The following HMGB1 variants were observed in gnomAD, a reference collection of about 807,000 sequenced individuals.
The protein encoded by HMGB1 is high mobility group box 1, also known as high mobility group protein B1.
For missense variants in HMGB1, 79 were observed against 253.5 expected (o/e 0.31, Z 4.67); for synonymous variants, 81 against 84.0 (o/e 0.96, Z 0.19).
rs1218598464 is a variant in HMGB1 at position 30,559,405 on chromosome 13, G to A, written c.-15+57266C>T. On this transcript the variant is annotated intron_variant, in intron 1 of 4. Coordinates refer to the HMGB1 transcript ENST00000405805. The surrounding 1 kb of genome is among the most constrained non-coding windows in gnomAD (Gnocchi z 6.6). ...CCCGAGTTTCATTGCTGGTTTACTA[G>A]TTTTGCTTCCTTGGGCAGTGAATTT... Among the ~76,000 whole-genome samples, 1 of 152,178 alleles carries A rather than the reference G, an allele frequency of 6.6e-6. No individual in the cohort carries two copies. The highest frequency in any genetic ancestry group is 1.5e-5 in the Non-Finnish European group (1 of 68,038).
chr13:30,527,425 C>T (rs1888393606), intron 1 of HMGB1, among the ~76,000 whole-genome samples: 1 of 151,980 alleles, frequency 6.6e-6, no homozygotes, highest in Admixed American at 6.6e-5. Context: ...TAGCTCCTAC[C>T]TCTGAGCCTC....
Position 30,456,760 on chromosome 13 carries a change from C to CCGGG in HMGB1, c.*4596_*4597insCCCG, listed in dbSNP as rs768381868. ...CAGCATAAATAACAGCTTTTGTGGG[C>CCGGG]GGGGGGGGGGGGTGGTGGGGTGCAA... On this transcript the variant is annotated 3_prime_UTR_variant, in exon 5 of 5. Transcript: ENST00000341423. The CCGGG allele has an allele frequency of 7.4e-5, 1 of 13,542 alleles. No individual in the cohort carries two copies. Among genetic ancestry groups the CCGGG allele is most frequent in the Non-Finnish European group, 1.4e-4 (1 of 7,290 alleles). 0.8% of individuals were successfully genotyped at this position (13,542 alleles called of 1,614,324 possible). A position where few individuals can be genotyped will look rare whatever the true frequency, so the allele number is the denominator to read the frequency against.
At chr13:30,555,513 G>A (rs1276367396) in intron 1 of HMGB1, among the ~76,000 whole-genome samples, 1 of 152,060 alleles carries the variant, frequency 6.6e-6, no homozygotes, top group Non-Finnish European at 1.5e-5. Context: ...TCAGTTTCCT[G>A]GGATGGGTTC....
At chr13:30,532,414 T>C (rs996705134) in intron 1 of HMGB1, among the ~76,000 whole-genome samples, 31 of 152,080 alleles carry the variant, frequency 2.0e-4, no homozygotes, top group African/African-American at 7.0e-4. Flanking sequence ...TATCTTTCCA[T>C]ATAAGTAGAC....
chr13:30,535,112 T>C (rs915218565), intron 1 of HMGB1, among the ~76,000 whole-genome samples: 1 of 152,194 alleles, frequency 6.6e-6, no homozygotes, highest in African/African-American at 2.4e-5. Flanking sequence ...TAATGAATCT[T>C]TGGATAAGGA....
At chr13:30,597,677 C>T (rs1871677426) in intron 1 of HMGB1, among the ~76,000 whole-genome samples, 1 of 152,196 alleles carries the variant, frequency 6.6e-6, no homozygotes, top group Non-Finnish European at 1.5e-5. Flanking sequence ...ATGCAAGGAA[C>T]AGCACACTTT....
At chr13:30,495,220 AC>A (rs1267070218) in intron 1 of HMGB1, among the ~76,000 whole-genome samples, 1 of 152,058 alleles carries the variant, frequency 6.6e-6, no homozygotes. Flanking sequence ...CTAGCTTGCC[AC>A]CAGTATCGTT....
chr13:30,577,620 G>A (rs550327128), intron 1 of HMGB1, among the ~76,000 whole-genome samples: 1 of 152,288 alleles, frequency 6.6e-6, no homozygotes, highest in South Asian at 2.1e-4. Context: ...GTTAGAGTCA[G>A]ATCACTGCGG....
At chr13:30,597,014 T>A (rs1279291677) in intron 1 of HMGB1, among the ~76,000 whole-genome samples, 1 of 152,234 alleles carries the variant, frequency 6.6e-6, no homozygotes, top group African/African-American at 2.4e-5. Flanking sequence ...ATGATTTGAA[T>A]GACTTCTTTA....
chr13:30,489,887 A>C (rs1887445450), intron 1 of HMGB1, among the ~76,000 whole-genome samples: 1 of 151,944 alleles, frequency 6.6e-6, no homozygotes, highest in Non-Finnish European at 1.5e-5. Flanking sequence ...GGCATGCACC[A>C]CCATGCCCGG....
upstream of HMGB1, among the ~76,000 whole-genome samples, chr13:30,468,781 C>A (rs183131267): frequency 8.5e-4 from 129 of 152,324 alleles, no homozygotes; most frequent in Non-Finnish European, 1.6e-3. Context: ...TCTTCTAGCT[C>A]TAACCCCACA....
intron 1 of HMGB1, among the ~76,000 whole-genome samples, chr13:30,562,475 A>C (rs73456503): frequency 0.01 from 1,534 of 152,250 alleles, 29 homozygotes; most frequent in African/African-American, 0.035. Context: ...ATGACTATAA[A>C]GTACTCTTAT....
intron 1 of HMGB1, among the ~76,000 whole-genome samples, chr13:30,560,941 GTT>G (rs200487340): frequency 2.1e-5 from 3 of 146,294 alleles, no homozygotes; most frequent in Non-Finnish European, 3.0e-5. Flanking sequence ...GGTTATATAT[GTT>G]TTTTTTTTTT....
At chr13:30,565,861 T>G (rs1870164452) in intron 1 of HMGB1, among the ~76,000 whole-genome samples, 1 of 152,226 alleles carries the variant, frequency 6.6e-6, no homozygotes, top group South Asian at 2.1e-4. Context: ...CTACTATCTG[T>G]AACAAGCAGG....
chr13:30,586,985 C>A lies in HMGB1; in HGVS notation c.-15+29686G>T, dbSNP rs143980438. 1.1e-4 allele frequency among the ~76,000 whole-genome samples: 17 copies of A among 152,074 alleles called. No individual in the cohort carries two copies. In the East Asian group the frequency reaches 2.5e-3, roughly 22 times the overall value. Reference sequence around the variant, plus strand: ...TGTTGCTATAAATTTATGAAGAATTCTTTTCTCACTAGTTATTATAATTAA... The same window carrying A: ...TGTTGCTATAAATTTATGAAGAATTATTTTCTCACTAGTTATTATAATTAA... On this transcript the variant is annotated intron_variant, in intron 1 of 4. Transcript: ENST00000405805.
At chr13:30,514,261 C>T (rs61947768) in intron 1 of HMGB1, among the ~76,000 whole-genome samples, 2 of 151,588 alleles carry the variant, frequency 1.3e-5, no homozygotes, top group Non-Finnish European at 2.9e-5. Context: ...TTATAAACCC[C>T]TAGTACTGAG....
chr13:30,601,069 A>G (rs1160125949), intron 1 of HMGB1, among the ~76,000 whole-genome samples: 2 of 152,114 alleles, frequency 1.3e-5, no homozygotes, highest in East Asian at 3.8e-4. Flanking sequence ...CTCACTGATC[A>G]ATGTACTTTG....
At chr13:30,474,379 A>G (rs1887017330) in intron 1 of HMGB1, among the ~76,000 whole-genome samples, 1 of 152,120 alleles carries the variant, frequency 6.6e-6, no homozygotes, top group East Asian at 1.9e-4. Flanking sequence ...ATTTTCATCT[A>G]TTATTGGAGT....
At chr13:30,469,983 G>T (rs1886882950), upstream of HMGB1, among the ~76,000 whole-genome samples, 1 of 151,610 alleles carries the variant, frequency 6.6e-6, no homozygotes, top group Non-Finnish European at 1.5e-5. Flanking sequence ...TCTCCATGTT[G>T]CCCAGGCTGG....
Sources: gnomAD v4.1 joint callset for allele counts (sites outside exome capture counted in the v4.1 genomes callset) on GRCh38, gnomAD v4.1.1 for gene constraint, Gnocchi (gnomAD v3.1) non-coding constraint, MANE v1.5 for transcripts, NCBI Gene and HGNC (gene_info 2026-07-23, HGNC 2026-07-21) for gene names.